MYRIP: variants seen among roughly 807,000 people sequenced by gnomAD.
MYRIP encodes the protein rab effector MyRIP.
MYRIP carries 49 observed loss-of-function variants against 98.0 expected under a neutral mutation model. The ratio of observed to expected loss-of-function variants is 0.50; its 90% CI spans 0.40 to 0.63. The LOEUF (loss-of-function observed/expected upper bound fraction) is 0.63, where lower values mean the gene tolerates loss of function less well. MYRIP is among the 30% of genes least tolerant of loss of function. The pLI, the probability that MYRIP is intolerant of heterozygous loss-of-function variation, is 0.00. For synonymous variants in MYRIP, 404 were observed against 409.5 expected (o/e 0.99, Z 0.16); for missense variants, 1,004 against 1,058.2 (o/e 0.95, Z 0.71).
At chr3:40,100,888 A>G (rs1948932603) in intron 3 of MYRIP, among the ~76,000 whole-genome samples, 1 of 152,178 alleles carries the variant, frequency 6.6e-6, no homozygotes, top group Non-Finnish European at 1.5e-5. Context: ...CTAAAAACGA[A>G]GTCCTTGGAT....
chr3:40,150,702 G>A (rs1402429415), intron 3 of MYRIP, among the ~76,000 whole-genome samples: 1 of 152,192 alleles, frequency 6.6e-6, no homozygotes, highest in African/African-American at 2.4e-5. Flanking sequence ...CAAACTAGTG[G>A]CCGATGGCTT....
intron 2 of MYRIP, among the ~76,000 whole-genome samples, chr3:40,023,982 T>C (rs1167256854): frequency 6.6e-6 from 1 of 152,198 alleles, no homozygotes. Flanking sequence ...CACAGTTTTC[T>C]CTAAGATTAA....
chr3:39,990,389 G>A (rs1946144589), intron 2 of MYRIP, among the ~76,000 whole-genome samples: 1 of 152,140 alleles, frequency 6.6e-6, no homozygotes, highest in Admixed American at 6.5e-5. Context: ...TCTTTTCAAG[G>A]GGAGCCTCTG....
At chr3:40,018,849 G>A (rs905657079) in intron 2 of MYRIP, among the ~76,000 whole-genome samples, 2 of 152,118 alleles carry the variant, frequency 1.3e-5, no homozygotes, top group Non-Finnish European at 2.9e-5. Context: ...GGAAAGAAAT[G>A]ATCCCAAATA....
chr3:40,057,226 A>G lies in MYRIP; in HGVS notation c.332+12955A>G, dbSNP rs115769174. Among the ~76,000 whole-genome samples, 327 of 152,120 alleles carry G rather than the reference A, an allele frequency of 2.1e-3. 1 individual carries two copies. Among genetic ancestry groups the G allele is most frequent in the African/African-American group, 7.5e-3 (310 of 41,482 alleles). On this transcript the variant is annotated intron_variant, in intron 3 of 16. Coordinates refer to ENST00000302541, the MANE Select transcript of MYRIP (RefSeq NM_015460.4). Reference sequence around the variant, plus strand: ...CTCCAGATTCACAAAAAGAGCCTCAATTAAGATTTTGGAGAAGCCTAAACA... The same window carrying G: ...CTCCAGATTCACAAAAAGAGCCTCAGTTAAGATTTTGGAGAAGCCTAAACA...
At chr3:39,910,189 G>A (rs1047376668) in intron 2 of MYRIP, among the ~76,000 whole-genome samples, 6 of 152,038 alleles carry the variant, frequency 3.9e-5, no homozygotes, top group Admixed American at 2.6e-4. Flanking sequence ...ATGCCCGGCC[G>A]CATATTCTTA....
chr3:39,986,407 C>G (rs1946032043), intron 2 of MYRIP, among the ~76,000 whole-genome samples: 1 of 151,948 alleles, frequency 6.6e-6, no homozygotes. Context: ...CTTTCTCTCT[C>G]TCTTCCTCCC....
intron 2 of MYRIP, among the ~76,000 whole-genome samples, chr3:40,014,347 C>A (rs1199856121): frequency 2.0e-5 from 3 of 152,200 alleles, no homozygotes; most frequent in Non-Finnish European, 2.9e-5. Context: ...ACAGTTTACA[C>A]AATTTACAAA....
rs535714823 is a variant in MYRIP at position 39,994,438 on chromosome 3, T to G, written c.111-49612T>G. 3.3e-5 allele frequency among the ~76,000 whole-genome samples: 5 copies of G among 152,344 alleles called. No individual in the cohort carries two copies. The East Asian group carries it at 9.7e-4, about 29-fold the overall frequency. On this transcript the variant is annotated intron_variant, in intron 2 of 16. Transcript: ENST00000302541. ...TCCTATGCCCACGGAGCCTCGCTCA[T>G]TGCTAGCACAGCAGTCTGAGATCAA...
intron 1 of MYRIP, among the ~76,000 whole-genome samples, chr3:39,882,253 C>T (rs1943173171): frequency 6.6e-6 from 1 of 151,898 alleles, no homozygotes. Context: ...AATTCTTTTC[C>T]CTGTGGCCTA....
chr3:40,192,213 C>T (rs1487554146), intron 10 of MYRIP, among the ~76,000 whole-genome samples: 1 of 146,128 alleles, frequency 6.8e-6, no homozygotes, highest in Non-Finnish European at 1.5e-5. Context: ...TACTCAACCT[C>T]CCAAAGTGCA....
chr3:40,092,369 TACTC>T (rs1342227947), intron 3 of MYRIP, among the ~76,000 whole-genome samples: 24 of 152,292 alleles, frequency 1.6e-4, no homozygotes, highest in African/African-American at 5.8e-4. Flanking sequence ...CTGGGAAAGA[TACTC>T]ACCCACACTG....
chr3:40,019,330 C>T (rs1320980181), intron 2 of MYRIP, among the ~76,000 whole-genome samples: 1 of 152,158 alleles, frequency 6.6e-6, no homozygotes, highest in Non-Finnish European at 1.5e-5. Context: ...AAACACACCA[C>T]GTTCAGTTAT....
At chr3:39,952,121 G>A (rs1945031878) in intron 2 of MYRIP, among the ~76,000 whole-genome samples, 1 of 152,076 alleles carries the variant, frequency 6.6e-6, no homozygotes, top group Non-Finnish European at 1.5e-5. Context: ...TGCCTTATCT[G>A]GAAATTTCAT....
chr3:40,010,720 C>T (rs932075126), intron 2 of MYRIP, among the ~76,000 whole-genome samples: 1 of 152,122 alleles, frequency 6.6e-6, no homozygotes, highest in South Asian at 2.1e-4. Flanking sequence ...TGCCATACCT[C>T]CCCTGCCCCT....
intron 10 of MYRIP, among the ~76,000 whole-genome samples, chr3:40,195,475 C>T (rs1951361323): frequency 6.6e-6 from 1 of 151,968 alleles, no homozygotes; most frequent in Admixed American, 6.6e-5. Context: ...TTTTATTTTT[C>T]TGTAGAAATG....
intron 2 of MYRIP, among the ~76,000 whole-genome samples, chr3:40,010,637 G>C (rs990476707): frequency 7.2e-5 from 11 of 152,086 alleles, no homozygotes; most frequent in African/African-American, 2.7e-4. Flanking sequence ...CTCATTCCAG[G>C]TGCATTTAGA....
intron 2 of MYRIP, among the ~76,000 whole-genome samples, chr3:39,976,712 G>A (rs1945761581): frequency 6.6e-6 from 1 of 152,200 alleles, no homozygotes; most frequent in Non-Finnish European, 1.5e-5. Context: ...ATACTATGCA[G>A]CCATAAAAAA....
intron 3 of MYRIP, among the ~76,000 whole-genome samples, chr3:40,068,696 A>G (rs1405905487): frequency 6.6e-6 from 1 of 152,238 alleles, no homozygotes; most frequent in East Asian, 1.9e-4. Context: ...CTTGGGCTAC[A>G]TTGATTGACT....
Sources: gnomAD v4.1 joint callset for allele counts (sites outside exome capture counted in the v4.1 genomes callset) on GRCh38, gnomAD v4.1.1 for gene constraint, MANE v1.5 for transcripts, NCBI Gene and HGNC (gene_info 2026-07-23, HGNC 2026-07-21) for gene names.